The following ARHGAP9 variants were observed in gnomAD, a reference collection of about 807,000 sequenced individuals.
ARHGAP9 encodes rho GTPase-activating protein 9.
In ARHGAP9, 76 loss-of-function variants were observed where a neutral mutation model predicts 87.3. The ratio of observed to expected loss-of-function variants is 0.87; its 90% CI spans 0.72 to 1.05. The LOEUF is 1.05. Ranked by LOEUF, ARHGAP9 falls within the 50% of genes least tolerant of loss-of-function variation. The probability of loss-of-function intolerance (pLI) is 0.00; values close to 1 mark genes in which losing one functional copy is unlikely to be tolerated. For synonymous variants in ARHGAP9, 382 were observed against 394.9 expected (o/e 0.97, Z 0.39); for missense variants, 941 against 960.5 (o/e 0.98, Z 0.27).
At position 57,475,890 on chromosome 12, in the gene ARHGAP9, G is replaced by T. The variant is rs1373378514; in HGVS notation, c.1254C>A (p.Asp418Glu). Residue 418 changes from aspartate (D) to glutamate (E), a missense_variant, in exon 10 of 18, where the codon GAC becomes GAA. By Grantham distance (45) the Asp-to-Glu change is conservative. Transcript: ENST00000393791. ...IPGHEFLLQS[D>E]HETELRAWHR... ...GCCAGGCTCGCAGCTCTGTCTCGTG[G>T]TCCGACTGCAGCAGGAACTCGTGGC... 1.9e-6 allele frequency: 3 copies of T among 1,613,850 alleles called. No homozygotes were observed. Among genetic ancestry groups the T allele is most frequent in the South Asian group, 1.1e-5 (1 of 91,066 alleles).
At chr12:57,475,187 G>C in intron 12 of ARHGAP9, 104 bp downstream of exon 12, 1 of 1,280,656 alleles carries the variant, frequency 7.8e-7, no homozygotes, top group Non-Finnish European at 1.1e-6. Flanking sequence ...ATCTGGGGTA[G>C]TGGGAAAGCA....
chr12:57,485,589 T>A (rs1875341847), intron 1 of ARHGAP9, among the ~76,000 whole-genome samples: 1 of 151,846 alleles, frequency 6.6e-6, no homozygotes. Flanking sequence ...CTATTTTTTT[T>A]ATGTTGGCCA....
chr12:57,476,381 C>T lies in ARHGAP9; in HGVS notation c.1099G>A (p.Ala367Thr), dbSNP rs1873680921. ...ACACTCACCCAGCCTGAGGAGGGCG[C>T]TGTCGGCGGTGGCTCTCGGTAGAAC... ...LVFYREPPPTAPSSGWGPAGS... is the reference protein window; with the variant it reads ...LVFYREPPPTTPSSGWGPAGS... Residue 367 changes from alanine (A) to threonine (T), a missense_variant, in exon 8 of 18, where the codon GCG becomes ACG. By Grantham distance (58) the Ala-to-Thr change is moderately conservative. Coordinates refer to ENST00000393791, the MANE Select transcript of ARHGAP9 (RefSeq NM_032496.4). The T allele has an allele frequency of 6.2e-7, 1 of 1,614,016 alleles. No homozygotes were observed. Among genetic ancestry groups the T allele is most frequent in the African/African-American group, 1.3e-5 (1 of 75,048 alleles).
At chr12:57,473,918 G>T in intron 16 of ARHGAP9, 124 bp downstream of exon 16, 1 of 1,423,472 alleles carries the variant, frequency 7.0e-7, no homozygotes, top group Non-Finnish European at 9.3e-7. Context: ...AGGCACCTGA[G>T]TTGAACATTA....
In ARHGAP9 at chr12:57,476,436, A is replaced by G; in HGVS notation, c.1044T>C (p.Ser348=). Residue 348 remains serine, a synonymous_variant, in exon 8 of 18, where the codon TCT becomes TCC. Transcript: ENST00000393791. Reference sequence around the variant, plus strand: ...GGCTGTTACCCGTTAACACCACCCAAGACGGGCCCCAGTTCTTCCTGCGGG... The same window carrying G: ...GGCTGTTACCCGTTAACACCACCCAGGACGGGCCCCAGTTCTTCCTGCGGG... The part of the protein sequence containing the change: ...GRKLRKNWGP[S]WVVLTGNSLV... 6.2e-7 allele frequency: 1 copy of G among 1,614,094 alleles called. No homozygotes were observed. Among genetic ancestry groups the G allele is most frequent in the South Asian group, 1.1e-5 (1 of 91,082 alleles).
intron 1 of ARHGAP9, chr12:57,487,974 C>T (rs1309814515): frequency 3.9e-6 from 3 of 767,216 alleles, no homozygotes; most frequent in East Asian, 2.5e-5. Flanking sequence ...TTTCCGGTAG[C>T]GGTGCCAGGG....
At chr12:57,484,485 T>C (rs1471855436), upstream of ARHGAP9, among the ~76,000 whole-genome samples, 1 of 152,206 alleles carries the variant, frequency 6.6e-6, no homozygotes, top group Non-Finnish European at 1.5e-5. Flanking sequence ...TCAGGAAGTC[T>C]GTGAGTGCTG....
intron 3 of ARHGAP9, chr12:57,478,325 G>A (rs1874494906): frequency 1.7e-6 from 1 of 578,108 alleles, no homozygotes; most frequent in African/African-American, 1.9e-5. Flanking sequence ...TCCTTGCTCA[G>A]AGTCAACTGA....
upstream of ARHGAP9, chr12:57,484,051 A>T (rs550064494): frequency 3.0e-4 from 82 of 270,698 alleles, 1 homozygote; most frequent in South Asian, 1.5e-3. Context: ...AAAAAAAAAA[A>T]AAAAAAAAAA....
exon 1 of ARHGAP9, chr12:57,488,779 C>A: frequency 1.0e-6 from 1 of 952,780 alleles, no homozygotes; most frequent in Non-Finnish European, 1.6e-6. Context: ...CCCAATACCA[C>A]CACCTCCTCT....
Position 57,474,435 on chromosome 12 carries a change from G to T in ARHGAP9, c.1771C>A (p.Gln591Lys), listed in dbSNP as rs767242224. Residue 591 changes from glutamine to lysine, a missense_variant, in exon 15 of 18, where the codon CAG becomes AAG. By Grantham distance (53) the Gln-to-Lys change is moderately conservative (BLOSUM62 1). Coordinates refer to ENST00000393791, the MANE Select transcript of ARHGAP9 (RefSeq NM_032496.4). ...TCCATGTAAGTACCTTGTCCTGGCTGTTCTGGGAACACATACCTCCCATCG... is the reference window on the plus strand; with the variant it reads ...TCCATGTAAGTACCTTGTCCTGGCTTTTCTGGGAACACATACCTCCCATCG... ...TSDGRYVFPE[Q>K]PGQEGRLDLD... 2.4e-5 allele frequency: 38 copies of T among 1,614,066 alleles called. No homozygotes were observed. The highest frequency in any genetic ancestry group is 3.1e-5 in the Non-Finnish European group (36 of 1,180,040).
At chr12:57,484,837 G>C (rs776789336), upstream of ARHGAP9, among the ~76,000 whole-genome samples, 4 of 151,874 alleles carry the variant, frequency 2.6e-5, no homozygotes, top group Non-Finnish European at 4.4e-5. Context: ...GTAGAGACAG[G>C]GTTTCACTAT....
chr12:57,475,916 C>T lies in ARHGAP9; in HGVS notation c.1228G>A (p.Gly410Ser), dbSNP rs1312238417. Residue 410 changes from glycine to serine, a missense_variant, in exon 10 of 18, where the codon GGC (glycine) becomes AGC (serine). Coordinates refer to ENST00000393791, the MANE Select transcript of ARHGAP9 (RefSeq NM_032496.4). Reference protein sequence around the residue: ...RNVLHIRTIPGHEFLLQSDHE... With the variant: ...RNVLHIRTIPSHEFLLQSDHE... ...TCCGACTGCAGCAGGAACTCGTGGC[C>T]AGGGATCGTGCGGATCTGAGGGCCA... is the stretch of plus-strand genomic sequence containing the variant. 1.3e-5 allele frequency: 21 copies of T among 1,613,454 alleles called. No homozygotes were observed. The highest frequency in any genetic ancestry group is 1.7e-5 in the Non-Finnish European group (20 of 1,179,704).
intron 1 of ARHGAP9, among the ~76,000 whole-genome samples, chr12:57,485,175 G>C (rs572321514): frequency 6.6e-6 from 1 of 151,874 alleles, no homozygotes; most frequent in African/African-American, 2.4e-5. Flanking sequence ...TCGAACTCCT[G>C]ACCTCAGGTG....
Position 57,474,461 on chromosome 12 carries a change from G to A in ARHGAP9, c.1745C>T (p.Ser582Phe). 6.2e-7 allele frequency: 1 copy of A among 1,614,152 alleles called. No individual in the cohort carries two copies. Among genetic ancestry groups the A allele is most frequent in the Non-Finnish European group, 8.5e-7 (1 of 1,180,038 alleles). ...TTCTGGGAACACATACCTCCCATCG[G>A]AGGTGACCGCACGCTCTGCAACATG... The part of the protein sequence containing the change: ...FLVDRERAVT[S>F]DGRYVFPEQP... Residue 582 changes from serine (S) to phenylalanine (F), a missense_variant, in exon 15 of 18, where the codon TCC becomes TTC. Coordinates refer to ENST00000393791, the MANE Select transcript of ARHGAP9 (RefSeq NM_032496.4).
At chr12:57,485,037 C>A (rs1875294770) in intron 1 of ARHGAP9, among the ~76,000 whole-genome samples, 1 of 151,662 alleles carries the variant, frequency 6.6e-6, no homozygotes. Flanking sequence ...CCTCTGCCTC[C>A]CGGGTTCAAG....
chr12:57,473,633 G>A lies in ARHGAP9; in HGVS notation c.1994C>T (p.Thr665Ile), dbSNP rs1418559050. The A allele has an allele frequency of 1.2e-6, 2 of 1,613,792 alleles. No homozygotes were observed. Among genetic ancestry groups the A allele is most frequent in the Non-Finnish European group, 8.5e-7 (1 of 1,179,830 alleles). ...TAAATGCTCCAGGAGGTACCGTAGA[G>A]TGTCATGGTTGGGCTTTGGCATTGA... The part of the protein sequence containing the change: ...IGSMPKPNHD[T>I]LRYLLEHLCR... The change falls in exon 17 of 18, where the codon ACT becomes ATT. Residue 665 changes from threonine (T) to isoleucine (I), a missense_variant. Physicochemically the swap from Thr to Ile is moderately conservative, Grantham distance 89 (BLOSUM62 -1). Transcript: ENST00000393791.
At position 57,473,414 on chromosome 12, in the gene ARHGAP9, A is replaced by C. The variant is rs187712262; in HGVS notation, c.2024+189T>G. On this transcript the variant is annotated intron_variant, in intron 17 of 17. Coordinates refer to ENST00000393791, the MANE Select transcript of ARHGAP9 (RefSeq NM_032496.4). Reference sequence around the variant, plus strand: ...GGTGACAGAGCGAGACTCTGTCTCAAAAATAAATAAAATAAAAAAATAAAG... The same window carrying C: ...GGTGACAGAGCGAGACTCTGTCTCACAAATAAATAAAATAAAAAAATAAAG... Among the ~76,000 whole-genome samples the C allele has an allele frequency of 7.1e-3, 1,067 of 150,502 alleles. 4 individuals are homozygous for C. Among genetic ancestry groups the C allele is most frequent in the Middle Eastern group, 0.01 (3 of 294 alleles).
intron 3 of ARHGAP9, chr12:57,478,235 C>T: frequency 2.1e-5 from 8 of 376,820 alleles, no homozygotes; most frequent in South Asian, 1.9e-4. Flanking sequence ...GCGCCCTGTG[C>T]CCTGTCCCCT....
Sources: allele counts gnomAD v4.1 joint callset (sites outside exome capture counted in the v4.1 genomes callset), GRCh38; gene constraint gnomAD v4.1.1; transcripts MANE v1.5; gene names NCBI Gene and HGNC (gene_info 2026-07-23, HGNC 2026-07-21).